The following BNC2 variants were observed in gnomAD, a reference collection of about 807,000 sequenced individuals.
The protein encoded by BNC2 is basonuclin zinc finger protein 2.
Under a neutral mutation model 76.3 loss-of-function variants are expected in BNC2, and 20 were observed. The ratio of observed to expected loss-of-function variants is 0.26; its 90% CI spans 0.18 to 0.38. The LOEUF (loss-of-function observed/expected upper bound fraction) is 0.38, where lower values mean the gene tolerates loss of function less well. Among genes scored for constraint, BNC2 ranks in the 10% least tolerant of loss-of-function variants. The pLI, the probability that BNC2 is intolerant of heterozygous loss-of-function variation, is 1.00. For missense variants in BNC2, 1,382 were observed against 1,399.8 expected, an observed-to-expected ratio of 0.99 and a Z score of 0.20; for synonymous variants, 582 against 514.8, an observed-to-expected ratio of 1.13 and a Z score of -1.77.
At chr9:16,633,777 G>C (rs183760647) in intron 3 of BNC2, among the ~76,000 whole-genome samples, 39 of 152,222 alleles carry the variant, frequency 2.6e-4, no homozygotes, top group Non-Finnish European at 3.4e-4. Context: ...TTCTGTGATG[G>C]CTACAAGAAC....
At chr9:16,571,020 G>A (rs573188345) in intron 4 of BNC2, among the ~76,000 whole-genome samples, 2 of 152,054 alleles carry the variant, frequency 1.3e-5, no homozygotes, top group South Asian at 2.1e-4. Flanking sequence ...CAGTACCAAC[G>A]GGCACAATCA....
chr9:16,451,601 T>C (rs1821341237), intron 5 of BNC2, among the ~76,000 whole-genome samples: 1 of 152,134 alleles, frequency 6.6e-6, no homozygotes, highest in South Asian at 2.1e-4. Flanking sequence ...TCCTGAACAC[T>C]ACAAAATCTC....
At chr9:16,835,830 A>G (rs1818693735) in intron 1 of BNC2, among the ~76,000 whole-genome samples, 1 of 152,216 alleles carries the variant, frequency 6.6e-6, no homozygotes, top group South Asian at 2.1e-4. Flanking sequence ...GATTTAAGTT[A>G]AAGAGGTTTT....
At chr9:16,463,345 G>A (rs112496140) in intron 5 of BNC2, among the ~76,000 whole-genome samples, 2 of 124,160 alleles carry the variant, frequency 1.6e-5, no homozygotes, top group African/African-American at 7.5e-5. Context: ...CGCCCAGGCT[G>A]GAGTGCAGTG....
chr9:16,677,594 C>CACACACACAA (rs1385959208), intron 3 of BNC2, among the ~76,000 whole-genome samples: 1 of 151,658 alleles, frequency 6.6e-6, no homozygotes, highest in Non-Finnish European at 1.5e-5. Flanking sequence ...CACACACACA[C>CACACACACAA]ACACACACAC....
intron 4 of BNC2, among the ~76,000 whole-genome samples, chr9:16,570,134 T>G (rs983495112): frequency 2.6e-5 from 4 of 152,208 alleles, no homozygotes; most frequent in African/African-American, 9.6e-5. Context: ...TATAAGAATT[T>G]CATTAAGCAA....
chr9:16,840,951 A>T (rs1818808970), intron 1 of BNC2, among the ~76,000 whole-genome samples: 1 of 152,198 alleles, frequency 6.6e-6, no homozygotes, highest in African/African-American at 2.4e-5. Context: ...AGCTTTTTTG[A>T]CTGAAATCCC....
intron 1 of BNC2, among the ~76,000 whole-genome samples, chr9:16,790,276 C>T (rs149029130): frequency 1.2e-4 from 19 of 152,268 alleles, no homozygotes; most frequent in Admixed American, 6.5e-4. Context: ...GGATTATAGG[C>T]GTGAGCCACA....
In BNC2 at chr9:16,446,845, C is replaced by T. The variant is rs910274550; in HGVS notation, c.670-9321G>A. On this transcript the variant is annotated intron_variant, in intron 5 of 6. Coordinates refer to ENST00000380672, the MANE Select transcript of BNC2 (RefSeq NM_017637.6). ...TAGAAGCTCCAGCTAAGCTCTATTA[C>T]AGGCCTGTCAGGATTTCTTCCTTGT... 3.3e-5 allele frequency among the ~76,000 whole-genome samples: 5 copies of T among 152,102 alleles called. No individual in the cohort carries two copies. In the East Asian group the frequency reaches 9.6e-4, roughly 29 times the overall value.
At chr9:16,425,713 C>T (rs1472955198) in intron 6 of BNC2, among the ~76,000 whole-genome samples, 4 of 152,152 alleles carry the variant, frequency 2.6e-5, no homozygotes, top group African/African-American at 9.7e-5. Context: ...ACTCTGAAGA[C>T]GTTAGTGAGA....
chr9:16,539,627 G>T lies in BNC2; in HGVS notation c.669+12903C>A. ...GAGGGAGAGAGAGAGAGAAGGGAGG[G>T]AGGGAGCGAGGGAGGGAGAGAGAGA... On this transcript the variant is annotated intron_variant, in intron 5 of 6. Coordinates refer to ENST00000380672, the MANE Select transcript of BNC2 (RefSeq NM_017637.6). 3.3e-5 allele frequency among the ~76,000 whole-genome samples: 2 copies of T among 60,710 alleles called. 1 individual carries two copies. Among genetic ancestry groups the T allele is most frequent in the African/African-American group, 1.6e-4 (2 of 12,698 alleles). 39.8% of individuals were successfully genotyped at this position (60,710 alleles called of 152,430 possible). A position where few individuals can be genotyped will look rare whatever the true frequency, so the allele number is the denominator to read the frequency against.
chr9:16,791,308 G>A (rs1563945164), intron 1 of BNC2, among the ~76,000 whole-genome samples: 1 of 152,076 alleles, frequency 6.6e-6, no homozygotes, highest in Non-Finnish European at 1.5e-5. Flanking sequence ...TGATCCGCCT[G>A]CCTCGGCCTC....
Position 16,437,274 on chromosome 9 carries a change from G to C in BNC2, c.920C>G (p.Ser307Cys), listed in dbSNP as rs1236675695. ...LLAHLENSNP[S>C]SIHHFENIPN... is the part of the protein sequence containing the mutation. ...GATGTTTTCGAAGTGATGAATGCTG[G>C]AAGGATTGCTGTTCTCTAAGTGAGC... Residue 307 changes from serine (S) to cysteine (C), a missense_variant, in exon 6 of 7, where the codon TCC becomes TGC. Physicochemically the swap from Ser to Cys is moderately radical, Grantham distance 112 (BLOSUM62 -1). Coordinates refer to ENST00000380672, the MANE Select transcript of BNC2 (RefSeq NM_017637.6). The C allele has an allele frequency of 6.2e-7, 1 of 1,614,182 alleles. No homozygotes were observed.
chr9:16,435,501 T>G, intron 6 of BNC2, 54 bp downstream of exon 6: 1 of 1,599,232 alleles, frequency 6.3e-7, no homozygotes, highest in Non-Finnish European at 8.6e-7. Context: ...CCAACATGAC[T>G]GAAAACTGGC....
chr9:16,757,316 G>A (rs183688291), intron 1 of BNC2, among the ~76,000 whole-genome samples: 4 of 152,214 alleles, frequency 2.6e-5, no homozygotes, highest in Non-Finnish European at 2.9e-5. Context: ...CTTGAATCCT[G>A]TCATTTTCTA....
At chr9:16,783,305 C>A (rs1426553612) in intron 1 of BNC2, among the ~76,000 whole-genome samples, 2 of 152,074 alleles carry the variant, frequency 1.3e-5, no homozygotes, top group African/African-American at 4.8e-5. Flanking sequence ...CTTAACTCAC[C>A]ATTCAAATTT....
At chr9:16,665,643 A>T (rs970154740) in intron 3 of BNC2, among the ~76,000 whole-genome samples, 1 of 152,222 alleles carries the variant, frequency 6.6e-6, no homozygotes, top group East Asian at 1.9e-4. Context: ...ATGAATTTAT[A>T]GTCAAGACTG....
intron 6 of BNC2, among the ~76,000 whole-genome samples, chr9:16,432,150 T>C (rs937552861): frequency 2.6e-5 from 4 of 152,234 alleles, no homozygotes; most frequent in African/African-American, 9.6e-5. Flanking sequence ...TCTTTGTCAG[T>C]GTGGAATGGT....
intron 3 of BNC2, among the ~76,000 whole-genome samples, chr9:16,604,767 C>G (rs986849705): frequency 7.2e-5 from 11 of 152,100 alleles, no homozygotes; most frequent in African/African-American, 2.7e-4. Context: ...CGCGTCACTA[C>G]ACTCCAGCCT....
Sources: allele counts gnomAD v4.1 joint callset (sites outside exome capture counted in the v4.1 genomes callset), GRCh38; gene constraint gnomAD v4.1.1; transcripts MANE v1.5; gene names NCBI Gene and HGNC (gene_info 2026-07-23, HGNC 2026-07-21).